The following FAM53A variants were observed in gnomAD, a reference collection of about 807,000 sequenced individuals.
The protein encoded by FAM53A is family with sequence similarity 53 member A, also known as protein FAM53A.
FAM53A carries 28 observed loss-of-function variants against 26.6 expected under a neutral mutation model. The ratio of observed to expected loss-of-function variants is 1.05; its 90% confidence interval spans 0.78 to 1.45. FAM53A has a LOEUF of 1.45. Among genes scored for constraint, FAM53A ranks in the 40% most tolerant of loss-of-function variants. The pLI is 0.00. For synonymous variants in FAM53A, 290 were observed against 253.1 expected, an observed-to-expected ratio of 1.15 and a Z score of -1.38; for missense variants, 650 against 575.8, an observed-to-expected ratio of 1.13 and a Z score of -1.32.
At chr4:1,672,759 C>CTT (rs35045856) in intron 1 of FAM53A, among the ~76,000 whole-genome samples, 2 of 64,806 alleles carry the variant, frequency 3.1e-5, no homozygotes, top group African/African-American at 4.7e-5. Flanking sequence ...CCTGAATTTC[C>CTT]TTTTTTTTTT....
chr4:1,610,653 G>A, the FAM53A span, among the ~76,000 whole-genome samples: 43,431 of 151,870 alleles, frequency 0.29, 6,786 homozygotes, highest in African/African-American at 0.38. Flanking sequence ...CGCGACGTGG[G>A]GGGCGGCCTG....
chr4:1,616,723 C>T (rs921708041), downstream of FAM53A, among the ~76,000 whole-genome samples: 2 of 152,232 alleles, frequency 1.3e-5, no homozygotes, highest in Non-Finnish European at 2.9e-5. Flanking sequence ...GGATTGGTGA[C>T]AGTCACACTG....
At chr4:1,607,079 C>T in the FAM53A span, among the ~76,000 whole-genome samples, 2 of 152,170 alleles carry the variant, frequency 1.3e-5, no homozygotes, top group African/African-American at 4.8e-5. Context: ...AGTGCAGTGG[C>T]CCGATCTCAG....
intron 1 of FAM53A, among the ~76,000 whole-genome samples, chr4:1,679,387 A>C (rs1303827415): frequency 1.4e-4 from 8 of 57,652 alleles, no homozygotes; most frequent in Non-Finnish European, 2.8e-4. Context: ...CCATGTCTCC[A>C]AAAAAAAAAA....
At position 1,684,219 on chromosome 4, in the gene FAM53A, C is replaced by G. The variant is rs1283805455; in HGVS notation, c.-165+14G>C. 2 of 151,106 alleles carry G rather than the reference C, an allele frequency of 1.3e-5. No individual in the cohort carries two copies. The highest frequency in any genetic ancestry group is 3.0e-5 in the Non-Finnish European group (2 of 67,620). The allele number at this position is 151,106 out of a possible 1,614,324, so 9.4% of individuals were successfully genotyped here. A position where few individuals can be genotyped will look rare whatever the true frequency, so the allele number is the denominator to read the frequency against. On this transcript the variant is annotated intron_variant, in intron 1 of 4. Transcript: ENST00000308132. ...GAGGAGGGGGCGGCGGCGCGCTCCG[C>G]CCGGGCTCGGTACCTGAGCGCGGCC...
At chr4:1,602,717 C>T in the FAM53A span, among the ~76,000 whole-genome samples, 2 of 152,170 alleles carry the variant, frequency 1.3e-5, no homozygotes, top group Admixed American at 1.3e-4. Flanking sequence ...GAGCGAGACC[C>T]GGTGTAAGGT....
the FAM53A span, among the ~76,000 whole-genome samples, chr4:1,598,640 T>C: frequency 1.3e-5 from 2 of 152,228 alleles, no homozygotes. Context: ...CTCTGCATAG[T>C]AATGTGTCTT....
chr4:1,675,054 C>T (rs1474551348), intron 1 of FAM53A, among the ~76,000 whole-genome samples: 1 of 152,156 alleles, frequency 6.6e-6, no homozygotes, highest in African/African-American at 2.4e-5. Flanking sequence ...ACAGCCTTTT[C>T]GAGGGGCGAT....
intron 2 of FAM53A, among the ~76,000 whole-genome samples, chr4:1,661,835 G>A (rs73798416): frequency 0.067 from 10,210 of 152,098 alleles, 956 homozygotes; most frequent in African/African-American, 0.21. Context: ...GCATTAGGAC[G>A]CAGCATTCCT....
rs1342581355 is a variant in FAM53A, at chr4:1,659,488, G to C, written c.76-2020C>G. 6.6e-6 allele frequency among the ~76,000 whole-genome samples: 1 copy of C among 152,178 alleles called. No individual in the cohort carries two copies. Among genetic ancestry groups the C allele is most frequent in the Non-Finnish European group, 1.5e-5 (1 of 68,036 alleles). On this transcript the variant is annotated intron_variant, in intron 2 of 4. Transcript: ENST00000308132. The surrounding 1 kb of genome is among the most constrained non-coding windows in gnomAD (Gnocchi z 5.2). ...CCCAGCCGGCACAGATGGCTCTCAC[G>C]GGCAGCTTGAAGGAGCCACAGGCCC... is the stretch of plus-strand genomic sequence containing the variant.
intron 3 of FAM53A, among the ~76,000 whole-genome samples, 154 bp from the exon 4 acceptor site, chr4:1,655,877 A>G (rs1020613146): frequency 1.3e-5 from 2 of 152,182 alleles, no homozygotes; most frequent in South Asian, 4.1e-4. Flanking sequence ...CGTGGCGCAC[A>G]GTGGACACCA....
chr4:1,587,121 A>C, the FAM53A span, among the ~76,000 whole-genome samples: 152 of 152,130 alleles, frequency 1.0e-3, no homozygotes, highest in Non-Finnish European at 1.6e-3. Context: ...TTGAGTTCCT[A>C]GTATATTTTC....
chr4:1,650,108 TG>T (rs779826641), intron 4 of FAM53A, among the ~76,000 whole-genome samples: 1 of 139,206 alleles, frequency 7.2e-6, no homozygotes, highest in Non-Finnish European at 1.5e-5. Flanking sequence ...GGCGTTTGAC[TG>T]TGAGGTGGCA....
chr4:1,682,545 G>A (rs932191411), intron 1 of FAM53A, among the ~76,000 whole-genome samples: 2 of 152,160 alleles, frequency 1.3e-5, no homozygotes, highest in East Asian at 3.9e-4. Flanking sequence ...ACAGGTGTGA[G>A]CCACCGCGCC....
At chr4:1,639,063 G>A (rs534712634), downstream of FAM53A, among the ~76,000 whole-genome samples, 270 of 152,248 alleles carry the variant, frequency 1.8e-3, 2 homozygotes, top group African/African-American at 5.9e-3. Context: ...CATCTCTGAC[G>A]CCCTCCCCGA....
At chr4:1,631,726 GGAATAAACACACA>G (rs1715621194) in intron 1 of FAM53A, among the ~76,000 whole-genome samples, 1 of 152,070 alleles carries the variant, frequency 6.6e-6, no homozygotes, top group South Asian at 2.1e-4. Flanking sequence ...GCAAACACGT[GGAATAAACACACA>G]GAAAAGCCGC....
chr4:1,661,481 C>T (rs1394318967), intron 2 of FAM53A, among the ~76,000 whole-genome samples: 4 of 152,206 alleles, frequency 2.6e-5, no homozygotes, highest in East Asian at 1.9e-4. Context: ...GACGCCCCAA[C>T]GCGCTGAATG....
rs186174821 is a variant in FAM53A at position 1,659,117 on chromosome 4, C to T, written c.76-1649G>A. On this transcript the variant is annotated intron_variant, in intron 2 of 4. Coordinates refer to ENST00000308132, the MANE Select transcript of FAM53A (RefSeq NM_001174070.3). The surrounding 1 kb of genome is among the most constrained non-coding windows in gnomAD (Gnocchi z 5.2). ...CGAAAAAAGACAGGCCGCCTACACA[C>T]GGGGTCCCACCTCAGCCAGCACGGC... Among the ~76,000 whole-genome samples, 27 of 152,360 alleles carry T rather than the reference C, an allele frequency of 1.8e-4. No individual in the cohort carries two copies. The East Asian group carries it at 4.8e-3, about 27-fold the overall frequency.
chr4:1,598,283 C>A, the FAM53A span, among the ~76,000 whole-genome samples: 4 of 152,262 alleles, frequency 2.6e-5, no homozygotes, highest in Admixed American at 6.5e-5. Flanking sequence ...CCGAGGCCTG[C>A]AGCCGCAGCT....
Sources: gnomAD v4.1 joint callset for allele counts (sites outside exome capture counted in the v4.1 genomes callset) on GRCh38, gnomAD v4.1.1 for gene constraint, Gnocchi (gnomAD v3.1) non-coding constraint, MANE v1.5 for transcripts, NCBI Gene and HGNC (gene_info 2026-07-23, HGNC 2026-07-21) for gene names.